The following NFIB variants were observed in gnomAD, a reference collection of about 807,000 sequenced individuals.
NFIB encodes the protein nuclear factor I B.
In NFIB, 11 loss-of-function variants were observed where a neutral mutation model predicts 61.5. The ratio of observed to expected loss-of-function variants is 0.18; its 90% CI spans 0.11 to 0.30. The LOEUF is 0.30. Among genes scored for constraint, NFIB ranks in the 10% least tolerant of loss-of-function variants. The probability of loss-of-function intolerance (pLI) is 1.00; values close to 1 mark genes in which losing one functional copy is unlikely to be tolerated. For missense variants in NFIB, 471 were observed against 608.9 expected (o/e 0.77, Z 2.38); for synonymous variants, 260 against 216.5 (o/e 1.20, Z -1.76).
intron 1 of NFIB, among the ~76,000 whole-genome samples, chr9:14,376,518 A>T (rs868343427): frequency 0.064 from 9,098 of 141,204 alleles, 345 homozygotes; most frequent in African/African-American, 0.11. Context: ...TAAAAGTGTC[A>T]TTTTTTTTTT....
At chr9:14,102,570 T>A in intron 10 of NFIB, 2 of 1,379,838 alleles carry the variant, frequency 1.4e-6, no homozygotes, top group Non-Finnish European at 2.0e-6. Context: ...TTTTAGTATT[T>A]AAATGAACAC....
At chr9:14,357,724 A>G (rs2061192666) in intron 1 of NFIB, 1 of 152,232 alleles carries the variant, frequency 6.6e-6, no homozygotes. Flanking sequence ...AATAGCCAAA[A>G]AGGGAAAGCA....
intron 2 of NFIB, among the ~76,000 whole-genome samples, chr9:14,243,999 A>G (rs1232575127): frequency 2.0e-5 from 3 of 152,230 alleles, no homozygotes; most frequent in African/African-American, 7.2e-5. Flanking sequence ...ATGCACTAAA[A>G]TAGGACACAC....
chr9:14,396,396 TC>T (rs1258199138), intron 1 of NFIB, among the ~76,000 whole-genome samples: 7 of 152,168 alleles, frequency 4.6e-5, no homozygotes, highest in Non-Finnish European at 1.0e-4. Context: ...CCACTCATTG[TC>T]CCAGGAACTG....
chr9:14,195,830 A>C (rs1439353051), intron 2 of NFIB, among the ~76,000 whole-genome samples: 1 of 152,208 alleles, frequency 6.6e-6, no homozygotes, highest in Non-Finnish European at 1.5e-5. Flanking sequence ...AACATAGACA[A>C]AGGAATCTAG....
intron 1 of NFIB, among the ~76,000 whole-genome samples, chr9:14,396,032 T>C (rs2061682421): frequency 6.6e-6 from 1 of 152,162 alleles, no homozygotes; most frequent in African/African-American, 2.4e-5. Flanking sequence ...CGGATATTAA[T>C]TGGGCTTTCA....
At chr9:14,146,914 CAAGT>C in intron 5 of NFIB, 107 bp from the exon 6 acceptor site, 2 of 1,423,062 alleles carry the variant, frequency 1.4e-6, no homozygotes, top group Non-Finnish European at 1.9e-6. Flanking sequence ...TTCATAAGCA[CAAGT>C]AATAATGGTG....
In NFIB at chr9:14,085,517, C is replaced by T. The variant is rs1002218906; in HGVS notation, c.*2792G>A. 2.3e-5 allele frequency: 5 copies of T among 220,376 alleles called. No individual in the cohort carries two copies. The highest frequency in any genetic ancestry group is 3.6e-5 in the Non-Finnish European group (4 of 110,204). The allele number at this position is 220,376 out of a possible 1,614,324, so 13.7% of individuals were successfully genotyped here. A position where few individuals can be genotyped will look rare whatever the true frequency, so the allele number is the denominator to read the frequency against. The stretch of plus-strand genomic sequence containing the variant: ...GCATCTAATGGGTTTAATTCATCCA[C>T]AGGAAGATTAATTGCTTAAAATTCT... On this transcript the variant is annotated 3_prime_UTR_variant, in exon 11 of 11. Transcript: ENST00000380953.
the NFIB span, among the ~76,000 whole-genome samples, chr9:14,482,283 G>A: frequency 6.6e-6 from 1 of 152,170 alleles, no homozygotes; most frequent in Non-Finnish European, 1.5e-5. Flanking sequence ...ACAGTGCCCT[G>A]ACCAAGGGCA....
the NFIB span, among the ~76,000 whole-genome samples, chr9:14,497,619 C>T: frequency 6.6e-6 from 1 of 152,154 alleles, no homozygotes; most frequent in Admixed American, 6.5e-5. Context: ...TCATAAGGAC[C>T]CATTGAGGGA....
At chr9:14,483,032 ATC>A in the NFIB span, among the ~76,000 whole-genome samples, 1 of 152,200 alleles carries the variant, frequency 6.6e-6, no homozygotes, top group Non-Finnish European at 1.5e-5. Context: ...CCAGACAATG[ATC>A]GTCTTGTGCA....
the NFIB span, among the ~76,000 whole-genome samples, chr9:14,463,034 C>G: frequency 6.6e-6 from 1 of 151,984 alleles, no homozygotes. Context: ...CACAGGGAAG[C>G]TTGTCCATAA....
chr9:14,237,700 T>G (rs549483135), intron 2 of NFIB, among the ~76,000 whole-genome samples: 3 of 152,166 alleles, frequency 2.0e-5, no homozygotes, highest in African/African-American at 7.2e-5. Flanking sequence ...CGATCTACAT[T>G]GTTTCTTATT....
intron 1 of NFIB, among the ~76,000 whole-genome samples, chr9:14,325,324 G>C (rs1413784232): frequency 6.6e-6 from 1 of 152,008 alleles, no homozygotes; most frequent in Admixed American, 6.6e-5. Context: ...TCATTCCATA[G>C]AACTTACCAG....
chr9:14,518,296 T>C, the NFIB span, among the ~76,000 whole-genome samples: 1 of 152,184 alleles, frequency 6.6e-6, no homozygotes, highest in East Asian at 1.9e-4. Flanking sequence ...TGTTTATGGA[T>C]ACAGGCAACT....
the NFIB span, among the ~76,000 whole-genome samples, chr9:14,479,258 G>C: frequency 6.6e-6 from 1 of 152,160 alleles, no homozygotes; most frequent in Admixed American, 6.6e-5. Flanking sequence ...GGGGGCTCTG[G>C]GAGTGCATGT....
At chr9:14,527,807 C>A in the NFIB span, among the ~76,000 whole-genome samples, 2 of 152,160 alleles carry the variant, frequency 1.3e-5, no homozygotes, top group Admixed American at 6.5e-5. Flanking sequence ...CACATTTCTA[C>A]ATTTCCATAT....
At chr9:14,270,963 C>A (rs2057564848) in intron 2 of NFIB, among the ~76,000 whole-genome samples, 1 of 152,102 alleles carries the variant, frequency 6.6e-6, no homozygotes, top group Non-Finnish European at 1.5e-5. Context: ...AAGTCTCAGG[C>A]TGCTGGATGA....
In NFIB at chr9:14,202,128, TCACA is replaced by T. The variant is rs3080833; in HGVS notation, c.563-22352_563-22349del. On this transcript the variant is annotated intron_variant, in intron 2 of 10. Coordinates refer to ENST00000380953, the MANE Select transcript of NFIB (RefSeq NM_001190737.2). ...ATTTTGAAGATAAAATTGATACTTT[TCACA>T]CACACACACACACACACACACACAC... is the stretch of plus-strand genomic sequence containing the variant. Among the ~76,000 whole-genome samples, 1,085 of 147,166 alleles carry T rather than the reference TCACA, an allele frequency of 7.4e-3. 6 individuals are homozygous for T. Among genetic ancestry groups the T allele is most frequent in the East Asian group, 0.012 (61 of 4,992 alleles).
Sources: allele counts gnomAD v4.1 joint callset (sites outside exome capture counted in the v4.1 genomes callset), GRCh38; gene constraint gnomAD v4.1.1; transcripts MANE v1.5; gene names NCBI Gene and HGNC (gene_info 2026-07-23, HGNC 2026-07-21).